The following LHX2 variants were observed in gnomAD, a reference collection of about 807,000 sequenced individuals.
LHX2 encodes the protein LIM homeobox 2, also known as LIM/homeobox protein Lhx2.
LHX2 carries 6 observed loss-of-function variants against 33.0 expected under a neutral mutation model. The observed-to-expected ratio is 0.18, with a 90% CI of 0.10 to 0.36. LHX2 has a LOEUF of 0.36. Among genes scored for constraint, LHX2 ranks in the 10% least tolerant of loss-of-function variants. The probability of loss-of-function intolerance (pLI) is 1.00; values close to 1 mark genes in which losing one functional copy is unlikely to be tolerated. For missense variants in LHX2, 442 were observed against 586.2 expected, an observed-to-expected ratio of 0.75 and a Z score of 2.54; for synonymous variants, 292 against 253.1, an observed-to-expected ratio of 1.15 and a Z score of -1.46.
chr9:124,029,642 C>T (rs781434266), intron 4 of LHX2, among the ~76,000 whole-genome samples: 1 of 152,296 alleles, frequency 6.6e-6, no homozygotes, highest in Non-Finnish European at 1.5e-5. Flanking sequence ...TCCAGCCCTG[C>T]CCGAGGTCTT....
rs1483106598 is a variant in LHX2 at position 124,032,414 on chromosome 9, C to G, written c.934-6C>G. On this transcript the variant is annotated splice_polypyrimidine_tract_variant and splice_region_variant and intron_variant, in intron 4 of 4. Coordinates refer to ENST00000373615, the MANE Select transcript of LHX2 (RefSeq NM_004789.4). This position sits in a 1 kb window ranked among gnomAD's most constrained non-coding sequence, Gnocchi z 4.1. ...CTCACCAGCCCTTCCCTGTCGTCCC[C>G]CGCAGGTCTGGTTCCAGAACGCCCG... 4 of 1,579,914 alleles carry G rather than the reference C, an allele frequency of 2.5e-6. No homozygotes were observed. The highest frequency in any genetic ancestry group is 1.1e-5 in the South Asian group (1 of 88,366).
chr9:124,022,785 G>C (rs372058805), intron 4 of LHX2, among the ~76,000 whole-genome samples: 1 of 152,240 alleles, frequency 6.6e-6, no homozygotes, highest in East Asian at 1.9e-4. Flanking sequence ...CTGCAGCTGC[G>C]GGGGGAGCCG....
At chr9:124,017,842 G>T (rs577401704) in intron 3 of LHX2, among the ~76,000 whole-genome samples, 16 of 152,028 alleles carry the variant, frequency 1.1e-4, no homozygotes, top group Admixed American at 9.8e-4. Context: ...GCCTCTTCCC[G>T]CAGCCCCTCG....
At position 124,018,406 on chromosome 9, in the gene LHX2, G is replaced by T. The variant is rs1203893111; in HGVS notation, c.728-2693G>T. ...GGGCGGGAGTGAGGGGGTTCGGGGC[G>T]CCGGCCAAACCTGGGCCCCACGGCT... is the stretch of plus-strand genomic sequence containing the variant. On this transcript the variant is annotated intron_variant, in intron 3 of 4. Transcript: ENST00000373615. Among the ~76,000 whole-genome samples the T allele has an allele frequency of 5.9e-5, 9 of 151,962 alleles. No individual in the cohort carries two copies. The East Asian group carries it at 1.8e-3, about 30-fold the overall frequency.
chr9:124,026,460 C>CAAA (rs112864105), intron 4 of LHX2, among the ~76,000 whole-genome samples: 1,162 of 78,782 alleles, frequency 0.015, 24 homozygotes, highest in African/African-American at 0.047. Context: ...GACTCTGTCT[C>CAAA]AAAAAAAAAA....
chr9:124,019,657 A>G (rs78692409), intron 3 of LHX2, among the ~76,000 whole-genome samples: 1,549 of 152,304 alleles, frequency 0.01, 39 homozygotes, highest in African/African-American at 0.035. Context: ...TATACTAAAA[A>G]ATTACTTATT....
intron 3 of LHX2, among the ~76,000 whole-genome samples, chr9:124,018,663 C>G (rs1039907149): frequency 6.6e-6 from 1 of 152,166 alleles, no homozygotes; most frequent in Non-Finnish European, 1.5e-5. Flanking sequence ...CCGGGACTCG[C>G]TTTCCCCTCC....
In LHX2 at chr9:124,015,377, C is replaced by A. The variant is rs772163279; in HGVS notation, c.579C>A (p.Ala193=). Residue 193 remains alanine (A), a synonymous_variant, in exon 3 of 5, where the codon GCC becomes GCA. Coordinates refer to ENST00000373615, the MANE Select transcript of LHX2 (RefSeq NM_004789.4). The surrounding 1 kb of genome is among the most constrained non-coding windows in gnomAD (Gnocchi z 7.9). ...ACGTGGCAGCGGCGGCCGCTGCAGCCGCGGCGGCCAAGAGCGCGGGGCTGG... is the reference window on the plus strand; with the variant it reads ...ACGTGGCAGCGGCGGCCGCTGCAGCAGCGGCGGCCAAGAGCGCGGGGCTGG... ...HADVAAAAAA[A]AAAKSAGLGA... is the part of the protein sequence containing the mutation. 3 of 1,609,752 alleles carry A rather than the reference C, an allele frequency of 1.9e-6. No individual in the cohort carries two copies. Among genetic ancestry groups the A allele is most frequent in the Non-Finnish European group, 2.5e-6 (3 of 1,177,932 alleles).
In LHX2 at chr9:124,014,284, CG is replaced by C; in HGVS notation, c.323+122del. The C allele has an allele frequency of 3.2e-6, 2 of 634,484 alleles. No homozygotes were observed. The highest frequency in any genetic ancestry group is 5.9e-6 in the Non-Finnish European group (2 of 340,700). 39.3% of individuals were successfully genotyped at this position (634,484 alleles called of 1,614,324 possible). ...GAGGGTTCACTACTCAGGACTCCCC[CG>C]CTCCCCCCCCAAGTTCTCCAAGCCA... On this transcript the variant is annotated intron_variant, in intron 2 of 4. Transcript: ENST00000373615. The surrounding 1 kb of genome is among the most constrained non-coding windows in gnomAD (Gnocchi z 4.8).
Position 124,011,824 on chromosome 9 carries a change from C to A in LHX2, c.-525C>A, listed in dbSNP as rs1362829033. 1.3e-5 allele frequency: 2 copies of A among 152,698 alleles called. No homozygotes were observed. The highest frequency in any genetic ancestry group is 1.9e-4 in the South Asian group (1 of 5,266). The allele number at this position is 152,698 out of a possible 1,614,324, so 9.5% of individuals were successfully genotyped here. On this transcript the variant is annotated 5_prime_UTR_variant, in exon 1 of 5. Transcript: ENST00000373615. The stretch of plus-strand genomic sequence containing the variant: ...GCTTCGGAGAAACCCCTACTCCAGT[C>A]GCCGACTCAGCGCCCAAGAGGGTCG...
Position 124,014,987 on chromosome 9 carries a change from C to T in LHX2, c.324-135C>T. On this transcript the variant is annotated intron_variant, in intron 2 of 4. Transcript: ENST00000373615. This position sits in a 1 kb window ranked among gnomAD's most constrained non-coding sequence, Gnocchi z 4.8. ...TCAAAATCTAGTTCTCTCTCCCCCC[C>T]ATCCTCCAAATAAAGGCCGGGTTGT... 9 of 924,520 alleles carry T rather than the reference C, an allele frequency of 9.7e-6. No homozygotes were observed. Among genetic ancestry groups the T allele is most frequent in the Non-Finnish European group, 1.3e-5 (8 of 614,828 alleles). 57.3% of individuals were successfully genotyped at this position (924,520 alleles called of 1,614,324 possible). A position where few individuals can be genotyped will look rare whatever the true frequency, so the allele number is the denominator to read the frequency against.
intron 4 of LHX2, among the ~76,000 whole-genome samples, chr9:124,031,336 C>T (rs10986178): frequency 2.3e-3 from 346 of 152,212 alleles, no homozygotes; most frequent in African/African-American, 7.5e-3. Flanking sequence ...TTGCCTGATT[C>T]TCATGTGTTC....
intron 4 of LHX2, among the ~76,000 whole-genome samples, chr9:124,025,232 G>A (rs1361454076): frequency 6.6e-6 from 1 of 152,104 alleles, no homozygotes; most frequent in South Asian, 2.1e-4. Context: ...TACAAGGTCA[G>A]GAGATCGAAA....
intron 3 of LHX2, among the ~76,000 whole-genome samples, chr9:124,019,192 C>CG (rs1401918015): frequency 6.6e-6 from 1 of 152,146 alleles, no homozygotes; most frequent in African/African-American, 2.4e-5. Context: ...AATGCAGCCC[C>CG]GGGGGTGAGG....
chr9:124,030,693 G>A (rs1160006701), intron 4 of LHX2, among the ~76,000 whole-genome samples: 1 of 146,780 alleles, frequency 6.8e-6, no homozygotes, highest in African/African-American at 2.6e-5. Flanking sequence ...GTGCAGTGGT[G>A]GGATCTTGGC....
chr9:124,017,754 C>T (rs1318616388), intron 3 of LHX2, among the ~76,000 whole-genome samples: 1 of 151,936 alleles, frequency 6.6e-6, no homozygotes, highest in African/African-American at 2.4e-5. Context: ...GGGGCGCCGT[C>T]GGGGCGCCGG....
intron 4 of LHX2, among the ~76,000 whole-genome samples, chr9:124,026,139 C>A (rs1225431979): frequency 6.6e-6 from 1 of 152,148 alleles, no homozygotes; most frequent in East Asian, 1.9e-4. Flanking sequence ...GCTGGAGGCA[C>A]TGAGGATTCA....
At chr9:124,017,857 C>A (rs1859219268) in intron 3 of LHX2, among the ~76,000 whole-genome samples, 1 of 152,102 alleles carries the variant, frequency 6.6e-6, no homozygotes, top group African/African-American at 2.4e-5. Flanking sequence ...CCCTCGGGCC[C>A]GGGCCCCGGT....
intron 3 of LHX2, among the ~76,000 whole-genome samples, chr9:124,017,230 C>CTCTCTA (rs1365003561): frequency 6.6e-6 from 1 of 152,130 alleles, no homozygotes; most frequent in Non-Finnish European, 1.5e-5. Flanking sequence ...TCCGTCCTTT[C>CTCTCTA]TCTCTATCTC....
Sources: allele counts gnomAD v4.1 joint callset (sites outside exome capture counted in the v4.1 genomes callset), GRCh38; gene constraint gnomAD v4.1.1; non-coding constraint Gnocchi (gnomAD v3.1); transcripts MANE v1.5; gene names NCBI Gene and HGNC (gene_info 2026-07-23, HGNC 2026-07-21).